Variants in SLCO1A2 observed in about 807,000 individuals in gnomAD.
The protein encoded by SLCO1A2 is solute carrier organic anion transporter family member 1A2.
Under a neutral mutation model 69.0 loss-of-function variants are expected in SLCO1A2, and 67 were observed. The observed-to-expected ratio is 0.97, with a 90% CI of 0.80 to 1.19. SLCO1A2 has a LOEUF of 1.19. SLCO1A2 is among the 50% of genes most tolerant of loss of function. The pLI, the probability that SLCO1A2 is intolerant of heterozygous loss-of-function variation, is 0.00. For synonymous variants in SLCO1A2, 260 were observed against 265.9 expected, an observed-to-expected ratio of 0.98 and a Z score of 0.22; for missense variants, 787 against 793.7, an observed-to-expected ratio of 0.99 and a Z score of 0.10.
chr12:21,410,420 T>C (rs908751447), intron 1 of SLCO1A2, among the ~76,000 whole-genome samples: 2 of 152,216 alleles, frequency 1.3e-5, no homozygotes, highest in African/African-American at 4.8e-5. Flanking sequence ...TTCATCCACA[T>C]TGTAACTATC....
At chr12:21,375,632 A>C (rs551859409) in intron 1 of SLCO1A2, among the ~76,000 whole-genome samples, 111 of 152,344 alleles carry the variant, frequency 7.3e-4, no homozygotes, top group African/African-American at 2.6e-3. Flanking sequence ...CATAGATGCC[A>C]AGATGCAATC....
intron 2 of SLCO1A2, among the ~76,000 whole-genome samples, chr12:21,366,563 A>G (rs567234476): frequency 6.6e-6 from 1 of 152,226 alleles, no homozygotes; most frequent in South Asian, 2.1e-4. Flanking sequence ...AAAAATAAAA[A>G]AGAAATATAA....
In SLCO1A2 at chr12:21,275,425, C is replaced by G. The variant is rs1219171107; in HGVS notation, c.1611-1G>C. The G allele has an allele frequency of 6.8e-7, 1 of 1,467,790 alleles. No homozygotes were observed. The highest frequency in any genetic ancestry group is 9.1e-7 in the Non-Finnish European group (1 of 1,095,530). The allele number at this position is 1,467,790 out of a possible 1,614,324, so 90.9% of individuals were successfully genotyped here. A position where few individuals can be genotyped will look rare whatever the true frequency, so the allele number is the denominator to read the frequency against. ...GGACTTCTCTTCAGATTTCATACAC[C>G]TGAAAAGTAAATAAGTTTGTAAATA... On this transcript the variant is annotated splice_acceptor_variant, in intron 12 of 14. Coordinates refer to ENST00000683939, the MANE Select transcript of SLCO1A2 (RefSeq NM_001386879.1). LOFTEE classifies it high-confidence loss of function.
rs556786788 is a variant in SLCO1A2 at position 21,268,768 on chromosome 12, C to A, written c.*780G>T. 1 of 152,000 alleles carries A rather than the reference C, an allele frequency of 6.6e-6. No individual in the cohort carries two copies. Among genetic ancestry groups the A allele is most frequent in the African/African-American group, 2.4e-5 (1 of 41,392 alleles). The allele number at this position is 152,000 out of a possible 1,614,324, so 9.4% of individuals were successfully genotyped here. On this transcript the variant is annotated 3_prime_UTR_variant, in exon 15 of 15. Coordinates refer to ENST00000683939, the MANE Select transcript of SLCO1A2 (RefSeq NM_001386879.1). Reference sequence around the variant, plus strand: ...GGTTCTTTGACAATATCTGACATTACAAACAGCCTTTAAGAACTGGAGTTT... The same window carrying A: ...GGTTCTTTGACAATATCTGACATTAAAAACAGCCTTTAAGAACTGGAGTTT...
intron 13 of SLCO1A2, chr12:21,274,924 TCAAA>T (rs1372552489): frequency 8.9e-5 from 94 of 1,053,840 alleles, no homozygotes; most frequent in Non-Finnish European, 1.0e-4. Context: ...TTTCAAATCT[TCAAA>T]CAAAGAATAG....
At chr12:21,403,430 C>G (rs1287636486) in intron 1 of SLCO1A2, 1 of 152,156 alleles carries the variant, frequency 6.6e-6, no homozygotes, top group Non-Finnish European at 1.5e-5. Flanking sequence ...TTAGCATTCA[C>G]CAACATCACC....
At chr12:21,310,969 T>C (rs1710737269) in intron 4 of SLCO1A2, among the ~76,000 whole-genome samples, 1 of 152,218 alleles carries the variant, frequency 6.6e-6, no homozygotes, top group Non-Finnish European at 1.5e-5. Flanking sequence ...AGTCAATCCT[T>C]GCAAGCCCTA....
intron 1 of SLCO1A2, chr12:21,403,789 G>C (rs1262373193): frequency 7.7e-6 from 1 of 130,594 alleles, no homozygotes; most frequent in African/African-American, 2.9e-5. Context: ...CCAATACCCT[G>C]TTGAAAAACC....
At chr12:21,299,498 G>C (rs1474173048) in intron 8 of SLCO1A2, among the ~76,000 whole-genome samples, 1 of 150,312 alleles carries the variant, frequency 6.7e-6, no homozygotes, top group Non-Finnish European at 1.5e-5. Context: ...TTGGAGAACT[G>C]CTTCTGTTTA....
chr12:21,358,099 G>C (rs1041071298), intron 2 of SLCO1A2, among the ~76,000 whole-genome samples: 1 of 152,140 alleles, frequency 6.6e-6, no homozygotes, highest in Non-Finnish European at 1.5e-5. Flanking sequence ...TATGAAAAGA[G>C]TGTTGGAATA....
At chr12:21,310,321 G>A (rs369375948) in intron 4 of SLCO1A2, among the ~76,000 whole-genome samples, 1 of 152,152 alleles carries the variant, frequency 6.6e-6, no homozygotes. Flanking sequence ...CCTATTAAGT[G>A]TGCAATAGCA....
At chr12:21,415,336 G>A (rs1292635196) in intron 1 of SLCO1A2, among the ~76,000 whole-genome samples, 3 of 152,040 alleles carry the variant, frequency 2.0e-5, no homozygotes, top group Non-Finnish European at 2.9e-5. Flanking sequence ...TGGGGAGAAG[G>A]GCAGTTAGCA....
At chr12:21,368,564 G>T (rs1454576938) in intron 2 of SLCO1A2, among the ~76,000 whole-genome samples, 1 of 152,008 alleles carries the variant, frequency 6.6e-6, no homozygotes, top group Admixed American at 6.6e-5. Flanking sequence ...TGGGATAATG[G>T]TTTCAGAGCT....
chr12:21,397,074 T>G (rs1480694832), upstream of SLCO1A2, among the ~76,000 whole-genome samples: 2 of 151,968 alleles, frequency 1.3e-5, no homozygotes, highest in Non-Finnish European at 2.9e-5. Flanking sequence ...AGACACAGAC[T>G]GGCAAATTGG....
intron 12 of SLCO1A2, among the ~76,000 whole-genome samples, chr12:21,283,323 G>C (rs1945154701): frequency 6.6e-6 from 1 of 152,116 alleles, no homozygotes; most frequent in African/African-American, 2.4e-5. Context: ...TTGGGGAAAA[G>C]ACAGTCTCTT....
At chr12:21,364,397 T>C (rs1939201431) in intron 2 of SLCO1A2, among the ~76,000 whole-genome samples, 1 of 152,174 alleles carries the variant, frequency 6.6e-6, no homozygotes, top group Non-Finnish European at 1.5e-5. Flanking sequence ...GGGATGTATC[T>C]CAAAATAATA....
At chr12:21,306,350 G>C (rs1949389958) in intron 5 of SLCO1A2, among the ~76,000 whole-genome samples, 1 of 151,532 alleles carries the variant, frequency 6.6e-6, no homozygotes, top group South Asian at 2.1e-4. Flanking sequence ...TTTTGAGACA[G>C]AGTCTCACTC....
chr12:21,405,402 A>G (rs1414966417), intron 1 of SLCO1A2, among the ~76,000 whole-genome samples: 1 of 152,110 alleles, frequency 6.6e-6, no homozygotes, highest in Non-Finnish European at 1.5e-5. Flanking sequence ...TTTTTCACAG[A>G]ATTTGAAAAA....
chr12:21,386,778 A>G (rs1308040244), intron 1 of SLCO1A2, among the ~76,000 whole-genome samples: 1 of 152,084 alleles, frequency 6.6e-6, no homozygotes, highest in East Asian at 1.9e-4. Flanking sequence ...ATGTGGAAGC[A>G]ACTTTGGAAC....
Sources: gnomAD v4.1 joint callset for allele counts (sites outside exome capture counted in the v4.1 genomes callset) on GRCh38, gnomAD v4.1.1 for gene constraint, MANE v1.5 for transcripts, NCBI Gene and HGNC (gene_info 2026-07-23, HGNC 2026-07-21) for gene names.